Variants in FAM177A1 observed in about 807,000 individuals in gnomAD.
FAM177A1 encodes the protein protein FAM177A1.
In FAM177A1, 22 loss-of-function variants were observed where a neutral mutation model predicts 26.1. That is an observed-to-expected ratio of 0.84 (90% CI 0.60 to 1.20). The LOEUF (loss-of-function observed/expected upper bound fraction) is 1.20, where lower values mean the gene tolerates loss of function less well. FAM177A1 is among the 50% of genes most tolerant of loss of function. The pLI is 0.00. For synonymous variants in FAM177A1, 95 were observed against 99.3 expected, an observed-to-expected ratio of 0.96 and a Z score of 0.26; for missense variants, 296 against 291.1, an observed-to-expected ratio of 1.02 and a Z score of -0.12.
intron 2 of FAM177A1, among the ~76,000 whole-genome samples, chr14:35,061,732 G>A (rs2138543038): frequency 6.6e-6 from 1 of 150,986 alleles, no homozygotes; most frequent in East Asian, 2.0e-4. Flanking sequence ...CTGGCACATT[G>A]TGCACATGTA....
chr14:35,066,690 C>A (rs1326809974), intron 2 of FAM177A1, among the ~76,000 whole-genome samples: 1 of 152,146 alleles, frequency 6.6e-6, no homozygotes, highest in African/African-American at 2.4e-5. Flanking sequence ...CAGGCGTGAG[C>A]CACCGCGCCT....
At chr14:35,066,208 A>G (rs1223850710) in intron 2 of FAM177A1, among the ~76,000 whole-genome samples, 1 of 151,992 alleles carries the variant, frequency 6.6e-6, no homozygotes, top group Admixed American at 6.6e-5. Context: ...CTGGGACTAC[A>G]GATATAGGCC....
chr14:35,074,784 G>T (rs1566674881), intron 2 of FAM177A1, among the ~76,000 whole-genome samples: 1 of 151,684 alleles, frequency 6.6e-6, no homozygotes, highest in African/African-American at 2.4e-5. Context: ...GCTTACCCCT[G>T]TAATCCCAGC....
At chr14:35,070,644 G>A (rs1418736279) in intron 2 of FAM177A1, among the ~76,000 whole-genome samples, 1 of 152,110 alleles carries the variant, frequency 6.6e-6, no homozygotes, top group Non-Finnish European at 1.5e-5. Flanking sequence ...CAAGTTAATG[G>A]ACAATCACAT....
At chr14:35,072,669 G>C (rs2138562839) in intron 2 of FAM177A1, among the ~76,000 whole-genome samples, 1 of 152,240 alleles carries the variant, frequency 6.6e-6, no homozygotes, top group Middle Eastern at 3.4e-3. Flanking sequence ...GAGCCCTTCT[G>C]CCAGATTGTC....
At chr14:35,080,448 T>A (rs766084896) in intron 4 of FAM177A1, among the ~76,000 whole-genome samples, 10 of 152,158 alleles carry the variant, frequency 6.6e-5, no homozygotes, top group Non-Finnish European at 1.2e-4. Flanking sequence ...ATAAAGTCCT[T>A]GTCAAAGTTA....
chr14:35,079,041 C>T lies in FAM177A1; in HGVS notation c.504+17C>T, dbSNP rs765450883. 4.5e-6 allele frequency: 7 copies of T among 1,542,968 alleles called. No individual in the cohort carries two copies. Among genetic ancestry groups the T allele is most frequent in the Non-Finnish European group, 4.3e-6 (5 of 1,153,228 alleles). Reference sequence around the variant, plus strand: ...AAGAAGGAGGTATGCCTCCTTTTTACATTTTCTTGATTCAGTTTGGTTTGC... The same window carrying T: ...AAGAAGGAGGTATGCCTCCTTTTTATATTTTCTTGATTCAGTTTGGTTTGC... On this transcript the variant is annotated intron_variant, in intron 4 of 4. Coordinates refer to ENST00000280987, the MANE Select transcript of FAM177A1 (RefSeq NM_173607.5).
intron 2 of FAM177A1, among the ~76,000 whole-genome samples, chr14:35,059,337 C>G (rs1470657783): frequency 6.6e-6 from 1 of 151,904 alleles, no homozygotes; most frequent in Non-Finnish European, 1.5e-5. Flanking sequence ...ATAGTTGGAT[C>G]TTGTTTTTTT....
At chr14:35,059,535 C>CT (rs767772869) in intron 2 of FAM177A1, among the ~76,000 whole-genome samples, 4,424 of 120,442 alleles carry the variant, frequency 0.037, 170 homozygotes, top group Non-Finnish European at 0.044. Flanking sequence ...ATTTACATTT[C>CT]TTTTTTTTTT....
chr14:35,068,015 G>A (rs1212472719), intron 2 of FAM177A1, among the ~76,000 whole-genome samples: 4 of 152,136 alleles, frequency 2.6e-5, no homozygotes, highest in African/African-American at 9.7e-5. Flanking sequence ...CTGTGCAGAA[G>A]CTTTTTATTT....
intron 2 of FAM177A1, among the ~76,000 whole-genome samples, chr14:35,067,110 A>G (rs1595049993): frequency 6.6e-6 from 1 of 152,186 alleles, no homozygotes; most frequent in East Asian, 1.9e-4. Flanking sequence ...TGTTTTTATT[A>G]AACATATTTA....
chr14:35,081,237 G>T lies in FAM177A1; in HGVS notation c.*9G>T, dbSNP rs775649167. On this transcript the variant is annotated 3_prime_UTR_variant, in exon 5 of 5. Transcript: ENST00000280987. The stretch of plus-strand genomic sequence containing the variant: ...TCTCTGTCCCACCATAAAATGAAAT[G>T]ACTATCAAGCTTCAAACTCTTAAGT... The T allele has an allele frequency of 1.9e-6, 3 of 1,600,340 alleles. No individual in the cohort carries two copies. The highest frequency in any genetic ancestry group is 1.1e-5 in the South Asian group (1 of 87,142).
rs530652431 is a variant in FAM177A1 at position 35,082,066 on chromosome 14, A to G, written c.*838A>G. On this transcript the variant is annotated 3_prime_UTR_variant, in exon 5 of 5. Coordinates refer to ENST00000280987, the MANE Select transcript of FAM177A1 (RefSeq NM_173607.5). ...AGCAATTAGATATTGTATAAGGTGC[A>G]ATGATAGCCTAATGAAATTACCCGT... 16 of 152,310 alleles carry G rather than the reference A, an allele frequency of 1.1e-4. No homozygotes were observed. Among genetic ancestry groups the G allele is most frequent in the African/African-American group, 3.4e-4 (14 of 41,568 alleles). The allele number at this position is 152,310 out of a possible 1,614,324, so 9.4% of individuals were successfully genotyped here.
At chr14:35,074,490 T>C (rs988851211) in intron 2 of FAM177A1, among the ~76,000 whole-genome samples, 10 of 152,006 alleles carry the variant, frequency 6.6e-5, no homozygotes, top group African/African-American at 2.4e-4. Flanking sequence ...CATGCCTGGC[T>C]AATTTTTGTA....
chr14:35,075,233 GT>G (rs2045377323), intron 2 of FAM177A1, among the ~76,000 whole-genome samples: 1 of 152,192 alleles, frequency 6.6e-6, no homozygotes, highest in African/African-American at 2.4e-5. Flanking sequence ...CTACGTAGGT[GT>G]GCATTGTGGA....
chr14:35,049,168 A>C (rs1277629432), intron 1 of FAM177A1, among the ~76,000 whole-genome samples: 1 of 152,136 alleles, frequency 6.6e-6, no homozygotes, highest in Non-Finnish European at 1.5e-5. Flanking sequence ...CTGGGATTAC[A>C]GGTGTGAGCC....
At chr14:35,070,193 C>G (rs17511093) in intron 2 of FAM177A1, among the ~76,000 whole-genome samples, 10,309 of 142,940 alleles carry the variant, frequency 0.072, 482 homozygotes, top group Middle Eastern at 0.11. Flanking sequence ...TAGTAACTCA[C>G]TTCAATTTTA....
intron 1 of FAM177A1, among the ~76,000 whole-genome samples, chr14:35,051,730 G>C (rs937561724): frequency 1.1e-4 from 17 of 152,096 alleles, no homozygotes; most frequent in African/African-American, 4.1e-4. Flanking sequence ...AAATTTTCAT[G>C]ATCTGCAGTT....
intron 1 of FAM177A1, 87 bp downstream of exon 1, chr14:35,046,715 G>A: frequency 6.9e-7 from 1 of 1,438,864 alleles, no homozygotes; most frequent in Non-Finnish European, 9.2e-7. Flanking sequence ...CTGCGCGGCC[G>A]TCCTCCGAGC....
Sources: allele counts gnomAD v4.1 joint callset (sites outside exome capture counted in the v4.1 genomes callset), GRCh38; gene constraint gnomAD v4.1.1; transcripts MANE v1.5; gene names NCBI Gene and HGNC (gene_info 2026-07-23, HGNC 2026-07-21).